RASEF: variants seen among roughly 807,000 people sequenced by gnomAD.
The protein encoded by RASEF is ras and EF-hand domain-containing protein.
In RASEF, 68 loss-of-function variants were observed where a neutral mutation model predicts 90.1. That is an observed-to-expected ratio of 0.75 (90% CI 0.62 to 0.92). The LOEUF (loss-of-function observed/expected upper bound fraction) is 0.92, where lower values mean the gene tolerates loss of function less well. Among genes scored for constraint, RASEF ranks in the 40% least tolerant of loss-of-function variants. The pLI is 0.00. For synonymous variants in RASEF, 331 were observed against 345.2 expected (o/e 0.96, Z 0.46); for missense variants, 949 against 937.2 (o/e 1.01, Z -0.16).
the RASEF span, among the ~76,000 whole-genome samples, chr9:83,161,816 G>T: frequency 7.2e-5 from 11 of 152,088 alleles, no homozygotes; most frequent in East Asian, 2.1e-3. Flanking sequence ...TTCCTATCCT[G>T]TTCTCATGAT....
chr9:83,043,699 C>T (rs953618297), intron 1 of RASEF, among the ~76,000 whole-genome samples: 1 of 152,138 alleles, frequency 6.6e-6, no homozygotes, highest in Non-Finnish European at 1.5e-5. Context: ...TTTATCTCTT[C>T]TACCTCAGTT....
At position 83,040,869 on chromosome 9, in the gene RASEF, A is replaced by G. The variant is rs1012937519; in HGVS notation, c.432-14948T>C. 2.0e-5 allele frequency among the ~76,000 whole-genome samples: 3 copies of G among 152,064 alleles called. No individual in the cohort carries two copies. The South Asian group carries it at 6.2e-4, about 32-fold the overall frequency. ...GGCCTTTTTATTTTATTTTATATAT[A>G]TATTTTTTGAGACAGAGTTTCACTC... is the stretch of plus-strand genomic sequence containing the variant. On this transcript the variant is annotated intron_variant, in intron 1 of 16. Transcript: ENST00000376447.
At chr9:83,156,040 CT>C in the RASEF span, among the ~76,000 whole-genome samples, 1 of 152,210 alleles carries the variant, frequency 6.6e-6, no homozygotes, top group Non-Finnish European at 1.5e-5. Context: ...CTTTTGAAGA[CT>C]TTATAGACAG....
the RASEF span, among the ~76,000 whole-genome samples, chr9:83,158,647 T>TATATATTTATGTA: frequency 8.0e-6 from 1 of 124,448 alleles, no homozygotes; most frequent in South Asian, 2.6e-4. Flanking sequence ...TGTATATATG[T>TATATATTTATGTA]CCAAATATAT....
At chr9:83,069,462 C>G in the RASEF span, among the ~76,000 whole-genome samples, 4 of 152,290 alleles carry the variant, frequency 2.6e-5, no homozygotes, top group African/African-American at 9.6e-5. Flanking sequence ...GCTTTCTTTG[C>G]TCAGCAGAAG....
chr9:83,073,656 A>G, the RASEF span, among the ~76,000 whole-genome samples: 1 of 152,240 alleles, frequency 6.6e-6, no homozygotes, highest in Admixed American at 6.5e-5. Flanking sequence ...TATTTGCTGT[A>G]GTGTACATAT....
chr9:82,996,816 G>T (rs1828929433), intron 14 of RASEF, among the ~76,000 whole-genome samples, 196 bp downstream of exon 14: 1 of 152,146 alleles, frequency 6.6e-6, no homozygotes, highest in African/African-American at 2.4e-5. Flanking sequence ...AGTGTCCTTG[G>T]CTTCAGGGAA....
the RASEF span, among the ~76,000 whole-genome samples, chr9:83,125,613 C>T: frequency 6.6e-6 from 1 of 152,214 alleles, no homozygotes; most frequent in Non-Finnish European, 1.5e-5. Flanking sequence ...AAATCCACCA[C>T]TCCCCTTTTG....
At chr9:83,144,391 G>GGAAAGAAAGAAAGAAAGGAAA in the RASEF span, among the ~76,000 whole-genome samples, 1 of 33,220 alleles carries the variant, frequency 3.0e-5, no homozygotes, top group Non-Finnish European at 6.1e-5. Context: ...AAGAAAGAAA[G>GGAAAGAAAGAAAGAAAGGAAA]GAAAGAAAGA....
the RASEF span, among the ~76,000 whole-genome samples, chr9:83,205,628 T>C: frequency 6.6e-6 from 1 of 152,154 alleles, no homozygotes; most frequent in African/African-American, 2.4e-5. Context: ...TTATTTGCAC[T>C]TCTCTTACAG....
the RASEF span, among the ~76,000 whole-genome samples, chr9:83,156,008 T>G: frequency 1.3e-5 from 2 of 152,208 alleles, no homozygotes; most frequent in South Asian, 4.1e-4. Flanking sequence ...TTACCCTGAC[T>G]GAAAACATAA....
At chr9:83,098,080 G>T in the RASEF span, among the ~76,000 whole-genome samples, 9 of 152,134 alleles carry the variant, frequency 5.9e-5, no homozygotes, top group African/African-American at 2.2e-4. Flanking sequence ...GATAGCTCCA[G>T]AGTCCACACT....
At chr9:83,130,785 G>A in the RASEF span, among the ~76,000 whole-genome samples, 1 of 152,344 alleles carries the variant, frequency 6.6e-6, no homozygotes, top group Non-Finnish European at 1.5e-5. Flanking sequence ...CAAACACACA[G>A]GGTGATGAGC....
At chr9:82,983,324 T>G (rs928099860) in intron 16 of RASEF, among the ~76,000 whole-genome samples, 1 of 152,198 alleles carries the variant, frequency 6.6e-6, no homozygotes, top group African/African-American at 2.4e-5. Context: ...TACATGATCA[T>G]GGAGGTAACA....
chr9:83,157,158 T>C, the RASEF span, among the ~76,000 whole-genome samples: 1 of 152,214 alleles, frequency 6.6e-6, no homozygotes, highest in Non-Finnish European at 1.5e-5. Context: ...CACACAAAGA[T>C]GCAGGTAGCC....
intron 16 of RASEF, among the ~76,000 whole-genome samples, chr9:82,987,216 C>T (rs17085934): frequency 0.011 from 1,727 of 151,868 alleles, 27 homozygotes; most frequent in South Asian, 0.079. Context: ...AAAGCCAATC[C>T]GAAGGCTAAG....
chr9:83,113,075 T>C, the RASEF span, among the ~76,000 whole-genome samples: 2 of 152,200 alleles, frequency 1.3e-5, no homozygotes, highest in African/African-American at 4.8e-5. Context: ...ATTGATATCA[T>C]AACCTGTGTT....
chr9:83,048,647 C>A (rs1438512880), intron 1 of RASEF: 2 of 985,260 alleles, frequency 2.0e-6, no homozygotes, highest in Non-Finnish European at 2.4e-6. Flanking sequence ...CACAGACGTT[C>A]CTTGTTTAGG....
chr9:83,160,685 T>C, the RASEF span, among the ~76,000 whole-genome samples: 131,620 of 152,178 alleles, frequency 0.86, 57,055 homozygotes, highest in African/African-American at 0.92. Context: ...GTCCCCAAGA[T>C]AATGGGGAAA....
Sources: gnomAD v4.1 joint callset for allele counts (sites outside exome capture counted in the v4.1 genomes callset) on GRCh38, gnomAD v4.1.1 for gene constraint, MANE v1.5 for transcripts, NCBI Gene and HGNC (gene_info 2026-07-23, HGNC 2026-07-21) for gene names.